SEC61G: variants seen among roughly 807,000 people sequenced by gnomAD.
SEC61G encodes the protein protein transport protein Sec61 subunit gamma.
In SEC61G, 4 loss-of-function variants were observed where a neutral mutation model predicts 7.5. The observed-to-expected ratio is 0.54, with a 90% CI of 0.26 to 1.22. The LOEUF is 1.22. Ranked by LOEUF, SEC61G falls within the 50% of genes most tolerant of loss-of-function variation. The probability of loss-of-function intolerance (pLI) is 0.12; values close to 1 mark genes in which losing one functional copy is unlikely to be tolerated. For missense variants in SEC61G, 53 were observed against 84.6 expected (o/e 0.63, Z 1.46); for synonymous variants, 24 against 24.4 (o/e 0.98, Z 0.05).
At position 54,752,362 on chromosome 7, in the gene SEC61G, A is replaced by C. The variant is rs769807422; in HGVS notation, c.*49T>G. Reference sequence around the variant, plus strand: ...TATTCTGTGAGTTTCTCACACCCTCACACTTGTTCACCAATCTCTAAGATG... The same window carrying C: ...TATTCTGTGAGTTTCTCACACCCTCCCACTTGTTCACCAATCTCTAAGATG... On this transcript the variant is annotated 3_prime_UTR_variant, in exon 4 of 4. Transcript: ENST00000352861. 7.0e-7 allele frequency: 1 copy of C among 1,425,442 alleles called. No homozygotes were observed. The allele number at this position is 1,425,442 out of a possible 1,614,324, so 88.3% of individuals were successfully genotyped here.
chr7:54,759,141 G>A lies in SEC61G; in HGVS notation c.-7+17C>T. 1.9e-6 allele frequency: 1 copy of A among 518,388 alleles called. No homozygotes were observed. The highest frequency in any genetic ancestry group is 1.4e-5 in the South Asian group (1 of 71,524). The allele number at this position is 518,388 out of a possible 1,614,324, so 32.1% of individuals were successfully genotyped here. ...GCCGCCCCGTTCGCCCGTACCGACC[G>A]GTGGGAAGAAACTCACCTACCCAAC... On this transcript the variant is annotated intron_variant, in intron 1 of 3. Transcript: ENST00000352861.
At chr7:54,759,127 C>T (rs1357318639) in intron 1 of SEC61G, 31 bp downstream of exon 1, 1 of 516,806 alleles carries the variant, frequency 1.9e-6, no homozygotes, top group African/African-American at 1.9e-5. Context: ...CCGCCCCGTT[C>T]GCCCGTACCG....
At chr7:54,755,406 G>C (rs1791494325) in intron 3 of SEC61G, 1 of 156,546 alleles carries the variant, frequency 6.4e-6, no homozygotes, top group Non-Finnish European at 1.4e-5. Context: ...ATCTGGTCCA[G>C]AGTTAGAATT....
At chr7:54,757,374 A>G in intron 2 of SEC61G, 121 bp downstream of exon 2, 1 of 758,000 alleles carries the variant, frequency 1.3e-6, no homozygotes, top group South Asian at 1.8e-5. Flanking sequence ...GCTGTCGCGC[A>G]GGATCAATCA....
intron 1 of SEC61G, 166 bp downstream of exon 1, chr7:54,758,992 G>C (rs565900824): frequency 8.2e-4 from 265 of 322,114 alleles, no homozygotes; most frequent in African/African-American, 5.5e-3. Context: ...CGAGTTGGTG[G>C]GATGTCGGCG....
chr7:54,753,420 C>T (rs1031662014), intron 3 of SEC61G, among the ~76,000 whole-genome samples: 12 of 151,908 alleles, frequency 7.9e-5, no homozygotes, highest in African/African-American at 2.2e-4. Flanking sequence ...ATTTTAAATT[C>T]TAATACTGTG....
chr7:54,754,493 C>A (rs1490928430), intron 3 of SEC61G, among the ~76,000 whole-genome samples: 3 of 152,190 alleles, frequency 2.0e-5, no homozygotes, highest in Non-Finnish European at 4.4e-5. Context: ...CAAGGGATTT[C>A]TGAACTGACA....
intron 3 of SEC61G, among the ~76,000 whole-genome samples, chr7:54,753,803 C>T (rs1294135575): frequency 2.0e-5 from 3 of 152,110 alleles, no homozygotes; most frequent in Non-Finnish European, 4.4e-5. Context: ...TATCACTAGC[C>T]ATGCAATCTG....
chr7:54,757,168 G>C (rs1015150191), intron 2 of SEC61G, among the ~76,000 whole-genome samples: 2 of 151,858 alleles, frequency 1.3e-5, no homozygotes, highest in Non-Finnish European at 2.9e-5. Context: ...GGTTTTGTTC[G>C]TTGGGGTGGG....
intron 3 of SEC61G, among the ~76,000 whole-genome samples, chr7:54,753,429 T>C (rs1011632651): frequency 6.6e-6 from 1 of 152,120 alleles, no homozygotes; most frequent in African/African-American, 2.4e-5. Flanking sequence ...TCTAATACTG[T>C]GAATATTAAT....
At chr7:54,753,491 T>C (rs954243733) in intron 3 of SEC61G, among the ~76,000 whole-genome samples, 2 of 152,144 alleles carry the variant, frequency 1.3e-5, no homozygotes, top group African/African-American at 4.8e-5. Flanking sequence ...AAGAAAAAAC[T>C]GATAATTCAA....
At chr7:54,755,015 T>C (rs975977468) in intron 3 of SEC61G, 1 of 152,216 alleles carries the variant, frequency 6.6e-6, no homozygotes, top group Non-Finnish European at 1.5e-5. Context: ...CTGAAACTCA[T>C]ACTAAGTCCT....
intron 3 of SEC61G, 70 bp from the exon 4 acceptor site, chr7:54,752,490 G>A (rs1791433835): frequency 9.8e-7 from 1 of 1,023,004 alleles, no homozygotes; most frequent in South Asian, 1.6e-5. Flanking sequence ...TATTTGAAAT[G>A]CAATATGCTA....
chr7:54,757,217 A>C (rs186434190), intron 2 of SEC61G, among the ~76,000 whole-genome samples: 205 of 152,118 alleles, frequency 1.3e-3, no homozygotes, highest in African/African-American at 4.7e-3. Flanking sequence ...CCAAAGAGAA[A>C]ATATGTAAGA....
chr7:54,754,091 GAC>G (rs1791462711), intron 3 of SEC61G, among the ~76,000 whole-genome samples: 1 of 152,068 alleles, frequency 6.6e-6, no homozygotes, highest in South Asian at 2.1e-4. Flanking sequence ...TGAAAAGACG[GAC>G]CTGAGTATGA....
intron 1 of SEC61G, 55 bp downstream of exon 1, chr7:54,759,103 T>C: frequency 2.1e-6 from 1 of 485,872 alleles, no homozygotes; most frequent in Non-Finnish European, 4.1e-6. Flanking sequence ...CCCCCAAGAG[T>C]CGCAAAGGTG....
At chr7:54,753,282 G>A (rs943722852) in intron 3 of SEC61G, among the ~76,000 whole-genome samples, 12 of 152,138 alleles carry the variant, frequency 7.9e-5, no homozygotes, top group Middle Eastern at 3.4e-3. Flanking sequence ...AACAGAGCAA[G>A]ACTCCATCTC....
At chr7:54,759,069 A>C (rs2116354054) in intron 1 of SEC61G, 89 bp downstream of exon 1, 3 of 430,492 alleles carry the variant, frequency 7.0e-6, no homozygotes, top group Non-Finnish European at 9.5e-6. Flanking sequence ...CCGGGGAGAC[A>C]CGCCGGCTCG....
chr7:54,754,739 AC>A (rs1791474679), intron 3 of SEC61G: 1 of 151,994 alleles, frequency 6.6e-6, no homozygotes, highest in African/African-American at 2.4e-5. Context: ...AAACTTCACC[AC>A]CCCATAAAAT....
Sources: allele counts gnomAD v4.1 joint callset (sites outside exome capture counted in the v4.1 genomes callset), GRCh38; gene constraint gnomAD v4.1.1; transcripts MANE v1.5; gene names NCBI Gene and HGNC (gene_info 2026-07-23, HGNC 2026-07-21).